Variants in ST18 observed in about 807,000 individuals in gnomAD.
The protein encoded by ST18 is ST18 C2H2C-type zinc finger transcription factor.
In ST18, 50 loss-of-function variants were observed where a neutral mutation model predicts 110.0. That is an observed-to-expected ratio of 0.45 (90% confidence interval 0.36 to 0.58). The LOEUF (loss-of-function observed/expected upper bound fraction) is 0.58, where lower values mean the gene tolerates loss of function less well. Among genes scored for constraint, ST18 ranks in the 20% least tolerant of loss-of-function variants. ST18 has a pLI of 0.00. For synonymous variants in ST18, 461 were observed against 452.4 expected, an observed-to-expected ratio of 1.02 and a Z score of -0.24; for missense variants, 1,306 against 1,280.1, an observed-to-expected ratio of 1.02 and a Z score of -0.31.
chr8:52,193,212 A>G (rs1444050971), intron 8 of ST18, among the ~76,000 whole-genome samples: 2 of 152,206 alleles, frequency 1.3e-5, no homozygotes, highest in Non-Finnish European at 2.9e-5. Flanking sequence ...AAGTTAATAT[A>G]CAAAGCAAGT....
intron 4 of ST18, among the ~76,000 whole-genome samples, 177 bp from the exon 5 acceptor site, chr8:52,221,025 A>C (rs1236269528): frequency 6.6e-6 from 1 of 152,184 alleles, no homozygotes; most frequent in African/African-American, 2.4e-5. Flanking sequence ...GGGGAAAAAT[A>C]GTTTTTTATT....
intron 2 of ST18, among the ~76,000 whole-genome samples, chr8:52,257,213 G>C (rs1458163468): frequency 1.3e-5 from 2 of 152,102 alleles, no homozygotes; most frequent in Non-Finnish European, 2.9e-5. Flanking sequence ...ATTGATTGAT[G>C]GACACTTATA....
chr8:52,197,317 T>A (rs910168510), intron 8 of ST18, among the ~76,000 whole-genome samples: 6 of 152,198 alleles, frequency 3.9e-5, no homozygotes, highest in African/African-American at 1.2e-4. Flanking sequence ...CTAAAAAAAT[T>A]ATCTCTGTAA....
At chr8:52,129,201 C>T (rs927387299) in intron 22 of ST18, among the ~76,000 whole-genome samples, 7 of 152,122 alleles carry the variant, frequency 4.6e-5, no homozygotes, top group Admixed American at 2.0e-4. Context: ...CACGGTGGCT[C>T]ATACCTGTAA....
At chr8:52,236,611 CAAA>C (rs754799390) in intron 2 of ST18, among the ~76,000 whole-genome samples, 69 of 88,902 alleles carry the variant, frequency 7.8e-4, no homozygotes, top group East Asian at 5.9e-3. Context: ...AATTCCACCT[CAAA>C]AAAAAAAAAA....
In ST18 at chr8:52,132,045, T is replaced by C. The variant is rs572419764; in HGVS notation, c.2579A>G (p.Lys860Arg). 2.0e-5 allele frequency: 32 copies of C among 1,614,206 alleles called. No individual in the cohort carries two copies. In the East Asian group the frequency reaches 7.1e-4, roughly 36 times the overall value. ...ATGTGGTAGCTCTTGTTTGTTCAGT[T>C]TCCAGGAGAGGGAGGCTCCATTGAG... Reference protein sequence around the residue: ...NPLNGASLSWKLNKQELPHCP... With the variant: ...NPLNGASLSWRLNKQELPHCP... Residue 860 changes from lysine (K) to arginine (R), a missense_variant, in exon 22 of 26, where the codon AAA becomes AGA. By Grantham distance (26) the Lys-to-Arg change is conservative. Transcript: ENST00000689386.
At chr8:52,245,181 C>T (rs2093742409) in intron 2 of ST18, among the ~76,000 whole-genome samples, 1 of 152,036 alleles carries the variant, frequency 6.6e-6, no homozygotes, top group Non-Finnish European at 1.5e-5. Context: ...ACTATAGAAA[C>T]AAAAGAGCAA....
At chr8:52,229,613 C>T (rs879681756) in intron 3 of ST18, 12 of 152,158 alleles carry the variant, frequency 7.9e-5, no homozygotes, top group Non-Finnish European at 1.3e-4. Context: ...GATTAGTTGG[C>T]CTTTTTTAGA....
chr8:52,358,879 C>T (rs560302950), intron 2 of ST18, among the ~76,000 whole-genome samples: 1 of 151,940 alleles, frequency 6.6e-6, no homozygotes, highest in Admixed American at 6.6e-5. Context: ...GCCAGCCTTA[C>T]CCTTATACCA....
chr8:52,147,976 A>T (rs746687705), intron 16 of ST18, among the ~76,000 whole-genome samples: 2 of 152,176 alleles, frequency 1.3e-5, no homozygotes, highest in Non-Finnish European at 2.9e-5. Context: ...ATTTCAGACA[A>T]GATGTGCAGG....
At chr8:52,311,734 T>C (rs1438821370) in intron 2 of ST18, among the ~76,000 whole-genome samples, 1 of 152,154 alleles carries the variant, frequency 6.6e-6, no homozygotes, top group Non-Finnish European at 1.5e-5. Flanking sequence ...TCAGATCTTG[T>C]GATAACTCAC....
Position 52,266,682 on chromosome 8 carries a change from C to T in ST18, c.-464-36605G>A, listed in dbSNP as rs778794216. ...TCAGCCTCCAGAGTAACTGGGATTACAGGCATGTGCCACCATGCCTGGTTA... is the reference window on the plus strand; with the variant it reads ...TCAGCCTCCAGAGTAACTGGGATTATAGGCATGTGCCACCATGCCTGGTTA... On this transcript the variant is annotated intron_variant, in intron 2 of 25. Transcript: ENST00000689386. Among the ~76,000 whole-genome samples, 86 of 151,904 alleles carry T rather than the reference C, an allele frequency of 5.7e-4. 1 individual carries two copies. The highest frequency in any genetic ancestry group is 1.2e-3 in the Admixed American group (19 of 15,244).
At chr8:52,179,145 T>A (rs895940235) in intron 9 of ST18, among the ~76,000 whole-genome samples, 2 of 152,224 alleles carry the variant, frequency 1.3e-5, no homozygotes, top group Non-Finnish European at 2.9e-5. Context: ...CTAGTTTCAT[T>A]TTCTAAGTCA....
chr8:52,339,755 T>C (rs781410599), intron 2 of ST18, among the ~76,000 whole-genome samples: 60 of 152,256 alleles, frequency 3.9e-4, no homozygotes, highest in Non-Finnish European at 2.4e-4. Context: ...GGGCCACTGC[T>C]CTGAGCTGTC....
intron 10 of ST18, among the ~76,000 whole-genome samples, chr8:52,169,257 G>A (rs7829966): frequency 0.4 from 60,356 of 152,026 alleles, 16,976 homozygotes; most frequent in African/African-American, 0.8. Context: ...CTCTTCCTCT[G>A]TTTTCTTTGT....
intron 2 of ST18, among the ~76,000 whole-genome samples, chr8:52,365,674 G>C (rs935340153): frequency 6.6e-6 from 1 of 151,362 alleles, no homozygotes; most frequent in Non-Finnish European, 1.5e-5. Flanking sequence ...ACTTAATCAA[G>C]TGCCAGGCAC....
At chr8:52,165,705 G>A (rs2062757758) in intron 11 of ST18, among the ~76,000 whole-genome samples, 1 of 152,238 alleles carries the variant, frequency 6.6e-6, no homozygotes, top group Non-Finnish European at 1.5e-5. Flanking sequence ...TGGGAGAAAA[G>A]TATGGTTGAG....
At chr8:52,309,467 G>A (rs908970488) in intron 2 of ST18, among the ~76,000 whole-genome samples, 20 of 139,648 alleles carry the variant, frequency 1.4e-4, no homozygotes, top group African/African-American at 5.4e-4. Flanking sequence ...TTTGCAGTGA[G>A]CCGAGATTGC....
At position 52,383,054 on chromosome 8, in the gene ST18, C is replaced by T. The variant is rs536136207; in HGVS notation, c.-465+26274G>A. ...CTTCTCCCCTTCTTCTTCTTCTCTTCTTCTTCTCTACTACTTTTCCTCGCT... is the reference window on the plus strand; with the variant it reads ...CTTCTCCCCTTCTTCTTCTTCTCTTTTTCTTCTCTACTACTTTTCCTCGCT... On this transcript the variant is annotated intron_variant, in intron 2 of 25. Coordinates refer to ENST00000689386, the MANE Select transcript of ST18 (RefSeq NM_001352837.2). Among the ~76,000 whole-genome samples, 13 of 152,308 alleles carry T rather than the reference C, an allele frequency of 8.5e-5. No individual in the cohort carries two copies. In the South Asian group the frequency reaches 2.5e-3, roughly 29 times the overall value.
Sources: allele counts gnomAD v4.1 joint callset (sites outside exome capture counted in the v4.1 genomes callset), GRCh38; gene constraint gnomAD v4.1.1; transcripts MANE v1.5; gene names NCBI Gene and HGNC (gene_info 2026-07-23, HGNC 2026-07-21).